Variants in COA1 observed in about 807,000 individuals in gnomAD.
COA1 encodes cytochrome c oxidase assembly factor 1.
In COA1, 13 loss-of-function variants were observed where a neutral mutation model predicts 16.0. The ratio of observed to expected loss-of-function variants is 0.81; its 90% CI spans 0.53 to 1.29. COA1 has a LOEUF of 1.29. COA1 is among the 50% of genes most tolerant of loss of function. COA1 has a pLI of 0.00. For synonymous variants in COA1, 65 were observed against 65.7 expected, an observed-to-expected ratio of 0.99 and a Z score of 0.05; for missense variants, 179 against 177.0, an observed-to-expected ratio of 1.01 and a Z score of -0.06.
rs368302970 is a variant in COA1 at position 43,640,557 on chromosome 7, C to T, written c.341+16G>A. On this transcript the variant is annotated intron_variant, in intron 5 of 5. Transcript: ENST00000223336. ...CTTCCTCCCGCTCCCCCACTGCCGT[C>T]ACCTTCCCAGGATACCTCTGAAAGG... is the stretch of plus-strand genomic sequence containing the variant. The T allele has an allele frequency of 5.7e-6, 9 of 1,589,126 alleles. No homozygotes were observed. The East Asian group carries it at 1.1e-4, about 20-fold the overall frequency.
intron 1 of COA1, among the ~76,000 whole-genome samples, chr7:43,666,155 G>A (rs962986831): frequency 6.6e-6 from 1 of 152,110 alleles, no homozygotes; most frequent in Non-Finnish European, 1.5e-5. Context: ...TCTTCTTTAA[G>A]TTATATACTT....
At chr7:43,631,127 G>A (rs1355488807) in intron 6 of COA1, 2 of 151,958 alleles carry the variant, frequency 1.3e-5, no homozygotes, top group Non-Finnish European at 2.9e-5. Flanking sequence ...GGTCTATAGG[G>A]TAGACTCATT....
intron 1 of COA1, among the ~76,000 whole-genome samples, chr7:43,663,188 A>T (rs1167328839): frequency 6.6e-6 from 1 of 152,172 alleles, no homozygotes; most frequent in Non-Finnish European, 1.5e-5. Flanking sequence ...CTCTTGCCAT[A>T]TGATGTACCT....
At chr7:43,661,327 G>A (rs1051753623) in intron 1 of COA1, among the ~76,000 whole-genome samples, 19 of 152,062 alleles carry the variant, frequency 1.2e-4, no homozygotes, top group African/African-American at 4.3e-4. Context: ...GTAAAGAGTG[G>A]GATTCTACTA....
intron 1 of COA1, chr7:43,655,937 G>GT (rs1306076382): frequency 6.6e-6 from 1 of 152,188 alleles, no homozygotes; most frequent in Non-Finnish European, 1.5e-5. Context: ...AAAAGACCAC[G>GT]TAAGAAGCCA....
chr7:43,634,630 G>A (rs187560519), downstream of COA1, among the ~76,000 whole-genome samples: 2 of 152,338 alleles, frequency 1.3e-5, no homozygotes, highest in Admixed American at 1.3e-4. Context: ...GCAGGGGATG[G>A]GGAGGCCTCA....
At chr7:43,699,620 GTT>G (rs1213132812) in intron 1 of COA1, among the ~76,000 whole-genome samples, 2 of 152,086 alleles carry the variant, frequency 1.3e-5, no homozygotes, top group East Asian at 3.8e-4. Context: ...GATAGAGAAT[GTT>G]TTGTTTCAAT....
chr7:43,667,931 G>C (rs928468075), intron 1 of COA1, among the ~76,000 whole-genome samples: 61 of 152,138 alleles, frequency 4.0e-4, no homozygotes, highest in African/African-American at 1.4e-3. Flanking sequence ...CTTTTTCTCT[G>C]CCTGGTTCCT....
intron 1 of COA1, among the ~76,000 whole-genome samples, chr7:43,708,884 A>G (rs1373964017): frequency 6.6e-6 from 1 of 152,130 alleles, no homozygotes; most frequent in Admixed American, 6.6e-5. Context: ...TCTCTTAAAC[A>G]TGATTTTTGA....
intron 6 of COA1, among the ~76,000 whole-genome samples, chr7:43,616,732 C>A (rs540958948): frequency 6.6e-6 from 1 of 152,234 alleles, no homozygotes; most frequent in South Asian, 2.1e-4. Flanking sequence ...CCCGTCTCTA[C>A]TAAAAATACA....
chr7:43,652,074 A>G (rs1278314089), intron 1 of COA1, among the ~76,000 whole-genome samples: 1 of 152,212 alleles, frequency 6.6e-6, no homozygotes, highest in African/African-American at 2.4e-5. Flanking sequence ...AGACCCAGGC[A>G]ATGGTGGGTT....
chr7:43,721,699 A>T (rs1320540416), intron 1 of COA1, among the ~76,000 whole-genome samples: 1 of 152,180 alleles, frequency 6.6e-6, no homozygotes, highest in African/African-American at 2.4e-5. Context: ...ACTATTCTGC[A>T]TCCTGACTAT....
chr7:43,662,360 G>T (rs1161256320), intron 1 of COA1, among the ~76,000 whole-genome samples: 1 of 152,194 alleles, frequency 6.6e-6, no homozygotes, highest in Non-Finnish European at 1.5e-5. Context: ...CTCCCAAATA[G>T]CTGGGACTAC....
intron 6 of COA1, chr7:43,632,685 T>C (rs768200395): frequency 2.0e-5 from 3 of 152,206 alleles, no homozygotes; most frequent in Non-Finnish European, 4.4e-5. Flanking sequence ...GGTAACCAGG[T>C]GCATTGTTAA....
intron 1 of COA1, among the ~76,000 whole-genome samples, chr7:43,681,705 T>G (rs2093776710): frequency 1.3e-5 from 2 of 152,222 alleles, no homozygotes; most frequent in South Asian, 4.1e-4. Flanking sequence ...ATGGCTGAAT[T>G]TATAGTACTA....
intron 6 of COA1, among the ~76,000 whole-genome samples, chr7:43,627,022 C>G (rs2084626313): frequency 6.6e-6 from 1 of 152,182 alleles, no homozygotes; most frequent in Non-Finnish European, 1.5e-5. Flanking sequence ...CCAGCTAGCT[C>G]TACACTTATC....
Position 43,640,609 on chromosome 7 carries a change from AG to A in COA1, c.304del (p.Leu102SerfsTer21). ...GCCACCTCTGGATGAGTGGACGTAG[AG>A]AAGGCCCTCTGATTTGGATCCAGAG... ...PVSGSKSEGL[L>X]YVHSSRGGPF... On this transcript the variant is annotated frameshift_variant, in exon 5 of 6. Coordinates refer to ENST00000223336, the MANE Select transcript of COA1 (RefSeq NM_018224.4). LOFTEE classifies it low-confidence loss of function (END_TRUNC). 6.2e-7 allele frequency: 1 copy of A among 1,609,006 alleles called. No individual in the cohort carries two copies. Among genetic ancestry groups the A allele is most frequent in the Non-Finnish European group, 8.5e-7 (1 of 1,178,040 alleles).
At chr7:43,721,077 TTAC>T (rs1170872221) in intron 1 of COA1, among the ~76,000 whole-genome samples, 1 of 152,340 alleles carries the variant, frequency 6.6e-6, no homozygotes, top group East Asian at 1.9e-4. Flanking sequence ...TAAGCCTCTA[TTAC>T]TCACAGATTC....
chr7:43,635,083 C>G (rs1411329277), downstream of COA1, among the ~76,000 whole-genome samples: 1 of 152,088 alleles, frequency 6.6e-6, no homozygotes, highest in East Asian at 1.9e-4. Context: ...AGTGAATTTT[C>G]TAACAATGTG....
Sources: gnomAD v4.1 joint callset for allele counts (sites outside exome capture counted in the v4.1 genomes callset) on GRCh38, gnomAD v4.1.1 for gene constraint, MANE v1.5 for transcripts, NCBI Gene and HGNC (gene_info 2026-07-23, HGNC 2026-07-21) for gene names.